RORA: variants seen among roughly 807,000 people sequenced by gnomAD.
RORA encodes the protein nuclear receptor ROR-alpha.
A neutral mutation model predicts 69.5 loss-of-function variants in RORA; 7 were observed. The observed-to-expected ratio is 0.10, with a 90% CI of 0.06 to 0.19. The LOEUF (loss-of-function observed/expected upper bound fraction) is 0.19, where lower values mean the gene tolerates loss of function less well. RORA is among the 10% of genes least tolerant of loss of function. The probability of loss-of-function intolerance (pLI) is 1.00; values close to 1 mark genes in which losing one functional copy is unlikely to be tolerated. For synonymous variants in RORA, 261 were observed against 240.8 expected, an observed-to-expected ratio of 1.08 and a Z score of -0.78; for missense variants, 457 against 663.0, an observed-to-expected ratio of 0.69 and a Z score of 3.41.
At position 60,642,630 on chromosome 15, in the gene RORA, C is replaced by T. The variant is rs537716494; in HGVS notation, c.196+36027G>A. 3.9e-5 allele frequency among the ~76,000 whole-genome samples: 6 copies of T among 152,278 alleles called. No individual in the cohort carries two copies. In the East Asian group the frequency reaches 9.6e-4, roughly 24 times the overall value. On this transcript the variant is annotated intron_variant, in intron 2 of 10. Transcript: ENST00000335670. ...ACACTGCTCGGCATAGTGGTTCACA[C>T]CTGTAGTCCCAGTGCTTTGGGAGGC...
At chr15:60,629,296 C>A (rs977122578) in intron 2 of RORA, among the ~76,000 whole-genome samples, 1 of 149,938 alleles carries the variant, frequency 6.7e-6, no homozygotes, top group Non-Finnish European at 1.5e-5. Context: ...AAGCGATTCT[C>A]CTGCCTCAGT....
chr15:60,765,788 C>T (rs2071979227), intron 1 of RORA, among the ~76,000 whole-genome samples: 1 of 152,026 alleles, frequency 6.6e-6, no homozygotes, highest in African/African-American at 2.4e-5. Context: ...ATGATTTCAC[C>T]AGGCCAAGGC....
chr15:61,137,088 AAAG>A (rs2079251951), intron 1 of RORA, among the ~76,000 whole-genome samples: 2 of 150,258 alleles, frequency 1.3e-5, no homozygotes, highest in Non-Finnish European at 2.9e-5. Flanking sequence ...AGAAAGAAAG[AAAG>A]AAAGAAAGAA....
intron 1 of RORA, among the ~76,000 whole-genome samples, chr15:61,123,839 G>C (rs2079122239): frequency 1.3e-5 from 2 of 152,208 alleles, no homozygotes; most frequent in African/African-American, 4.8e-5. Flanking sequence ...TAAGAGGGAA[G>C]GGCATGACCC....
chr15:61,159,882 T>G (rs1309446377), intron 1 of RORA, among the ~76,000 whole-genome samples: 1 of 152,196 alleles, frequency 6.6e-6, no homozygotes, highest in Non-Finnish European at 1.5e-5. Context: ...GTACTGAGAA[T>G]TTTCATTTTG....
At chr15:61,201,937 G>C (rs573477815) in intron 1 of RORA, among the ~76,000 whole-genome samples, 1 of 151,644 alleles carries the variant, frequency 6.6e-6, no homozygotes, top group East Asian at 1.9e-4. Flanking sequence ...TATTAGATTC[G>C]ATGTAATATC....
At chr15:60,885,871 C>T (rs1240445148) in intron 1 of RORA, among the ~76,000 whole-genome samples, 1 of 152,208 alleles carries the variant, frequency 6.6e-6, no homozygotes, top group Admixed American at 6.5e-5. Flanking sequence ...TATGAGAAAG[C>T]AAATGTGAAG....
In RORA at chr15:60,897,754, C is replaced by CA. The variant is rs1331405674; in HGVS notation, c.167-219069_167-219068insT. 3.3e-5 allele frequency among the ~76,000 whole-genome samples: 5 copies of CA among 152,312 alleles called. No homozygotes were observed. The South Asian group carries it at 1.0e-3, about 32-fold the overall frequency. On this transcript the variant is annotated intron_variant, in intron 1 of 10. Transcript: ENST00000335670. Reference sequence around the variant, plus strand: ...TGAAACTTAAATGAAAGAGGATGAACCTGGAACATGTGCAGTGTGAAAATT... The same window carrying CA: ...TGAAACTTAAATGAAAGAGGATGAACACTGGAACATGTGCAGTGTGAAAATT...
At chr15:60,591,568 G>A (rs1360544496) in intron 2 of RORA, among the ~76,000 whole-genome samples, 3 of 151,618 alleles carry the variant, frequency 2.0e-5, no homozygotes, top group Non-Finnish European at 2.9e-5. Flanking sequence ...AGGCCGGGCC[G>A]CCCGGCAGGA....
intron 1 of RORA, among the ~76,000 whole-genome samples, chr15:60,994,886 G>A (rs1894484983): frequency 6.6e-6 from 1 of 152,144 alleles, no homozygotes; most frequent in Admixed American, 6.5e-5. Context: ...TTTAACAAGT[G>A]TGGATATTCT....
chr15:60,851,208 G>A (rs2073321055), intron 1 of RORA, among the ~76,000 whole-genome samples: 1 of 152,114 alleles, frequency 6.6e-6, no homozygotes, highest in Non-Finnish European at 1.5e-5. Flanking sequence ...TGGCTACACG[G>A]CAATTTATGA....
intron 3 of RORA, among the ~76,000 whole-genome samples, chr15:60,521,025 C>A (rs1046280222): frequency 2.6e-5 from 4 of 151,946 alleles, no homozygotes; most frequent in African/African-American, 7.3e-5. Flanking sequence ...AACAAACAGG[C>A]CTTTGGTGCT....
At chr15:60,806,603 TA>T (rs1328948234) in intron 1 of RORA, among the ~76,000 whole-genome samples, 11 of 152,232 alleles carry the variant, frequency 7.2e-5, no homozygotes, top group African/African-American at 2.7e-4. Context: ...GGACCTTATC[TA>T]TACACTCTCT....
chr15:60,957,140 T>G (rs1893290886), intron 1 of RORA, among the ~76,000 whole-genome samples: 1 of 152,126 alleles, frequency 6.6e-6, no homozygotes, highest in Non-Finnish European at 1.5e-5. Flanking sequence ...CAAAAATGAG[T>G]CAAGACGATG....
intron 1 of RORA, among the ~76,000 whole-genome samples, chr15:60,895,096 G>A (rs1891195711): frequency 6.6e-6 from 1 of 152,184 alleles, no homozygotes; most frequent in South Asian, 2.1e-4. Flanking sequence ...TGTAGAGAAA[G>A]TACAGTGTAA....
intron 1 of RORA, among the ~76,000 whole-genome samples, chr15:60,844,092 C>G (rs1396336201): frequency 6.6e-6 from 1 of 152,164 alleles, no homozygotes; most frequent in Non-Finnish European, 1.5e-5. Context: ...ATGCCTGCTC[C>G]TTTTCATAGC....
intron 2 of RORA, among the ~76,000 whole-genome samples, chr15:60,569,787 CAAAG>C (rs1241408866): frequency 2.6e-5 from 4 of 152,096 alleles, no homozygotes; most frequent in African/African-American, 9.7e-5. Context: ...CTACTGGCGA[CAAAG>C]AACGTACAGA....
intron 1 of RORA, among the ~76,000 whole-genome samples, chr15:60,734,488 G>C (rs1045005676): frequency 2.0e-5 from 3 of 152,304 alleles, no homozygotes. Flanking sequence ...TGAGAGATTT[G>C]AGTCTGCTCT....
Position 61,186,841 on chromosome 15 carries a change from C to T in RORA, c.166+42212G>A, listed in dbSNP as rs1462645238. 3.3e-5 allele frequency among the ~76,000 whole-genome samples: 5 copies of T among 152,258 alleles called. No individual in the cohort carries two copies. The South Asian group carries it at 6.2e-4, about 19-fold the overall frequency. ...GAGCTCCAGTGCCCTGCTTGCCCTT[C>T]GGGCTCACTCTGTCTGGAGTCAGAG... On this transcript the variant is annotated intron_variant, in intron 1 of 10. Coordinates refer to ENST00000335670, the MANE Select transcript of RORA (RefSeq NM_134261.3).
Sources: gnomAD v4.1 joint callset for allele counts (sites outside exome capture counted in the v4.1 genomes callset) on GRCh38, gnomAD v4.1.1 for gene constraint, MANE v1.5 for transcripts, NCBI Gene and HGNC (gene_info 2026-07-23, HGNC 2026-07-21) for gene names.